The following LARP4 variants were observed in gnomAD, a reference collection of about 807,000 sequenced individuals.
The protein encoded by LARP4 is La ribonucleoprotein 4, also known as la-related protein 4.
LARP4 carries 29 observed loss-of-function variants against 92.9 expected under a neutral mutation model. That is an observed-to-expected ratio of 0.31 (90% CI 0.23 to 0.43). LARP4 has a LOEUF of 0.43. Among genes scored for constraint, LARP4 ranks in the 20% least tolerant of loss-of-function variants. LARP4 has a pLI of 1.00. For missense variants in LARP4, 732 were observed against 860.0 expected (o/e 0.85, Z 1.86); for synonymous variants, 279 against 284.1 (o/e 0.98, Z 0.18).
intron 12 of LARP4, 113 bp from the exon 13 acceptor site, chr12:50,466,846 A>T (rs1235475217): frequency 1.1e-6 from 1 of 923,352 alleles, no homozygotes; most frequent in East Asian, 2.5e-5. Context: ...AGTTCTGTGC[A>T]TTATAGAGGT....
intron 8 of LARP4, among the ~76,000 whole-genome samples, chr12:50,450,222 G>A (rs1322224287): frequency 6.6e-6 from 1 of 152,056 alleles, no homozygotes; most frequent in Non-Finnish European, 1.5e-5. Context: ...GAGCCACCCT[G>A]CCTGGCCAGC....
rs1236024936 is a variant in LARP4 at position 50,466,959 on chromosome 12, A to G, written c.1384A>G (p.Arg462Gly). ...CTGTTTTATTATTTGTTCATTTTAGAGACCTCATCCTTCAACAGCTGAATC... is the reference window on the plus strand; with the variant it reads ...CTGTTTTATTATTTGTTCATTTTAGGGACCTCATCCTTCAACAGCTGAATC... ...RRRREDDRIS[R>G]PHPSTAESKA... is the part of the protein sequence containing the mutation. The change falls in exon 13 of 16, where the codon AGA becomes GGA. Residue 462 changes from arginine (R) to glycine (G), a missense_variant and splice_region_variant. Coordinates refer to ENST00000398473, the MANE Select transcript of LARP4 (RefSeq NM_052879.5). 6.2e-7 allele frequency: 1 copy of G among 1,605,070 alleles called. No individual in the cohort carries two copies. The highest frequency in any genetic ancestry group is 1.7e-5 in the Admixed American group (1 of 59,860).
intron 1 of LARP4, among the ~76,000 whole-genome samples, chr12:50,401,653 T>TAA (rs772467175): frequency 1.3e-5 from 2 of 152,174 alleles, no homozygotes; most frequent in Admixed American, 6.5e-5. Context: ...TGACCTTTTG[T>TAA]AAAAGTTACT....
intron 12 of LARP4, among the ~76,000 whole-genome samples, chr12:50,464,574 G>A (rs528245069): frequency 1.1e-4 from 16 of 151,956 alleles, no homozygotes; most frequent in African/African-American, 3.9e-4. Context: ...TGTATTTTTA[G>A]TAGAGACGGA....
rs1949479966 is a variant in LARP4, at chr12:50,430,475, CTCT to C, written c.323-15_323-13del. On this transcript the variant is annotated splice_polypyrimidine_tract_variant and intron_variant, in intron 3 of 15. Coordinates refer to ENST00000398473, the MANE Select transcript of LARP4 (RefSeq NM_052879.5). ...CTAACATGCTATTAACTTTTTTTCC[CTCT>C]TCTTTTCTACCATCAGGAGAAAGCA... 3 of 1,485,836 alleles carry C rather than the reference CTCT, an allele frequency of 2.0e-6. No homozygotes were observed. Among genetic ancestry groups the C allele is most frequent in the South Asian group, 1.2e-5 (1 of 84,166 alleles). 92.0% of individuals were successfully genotyped at this position (1,485,836 alleles called of 1,614,324 possible).
At chr12:50,465,438 G>A (rs1234029001) in intron 12 of LARP4, among the ~76,000 whole-genome samples, 1 of 152,044 alleles carries the variant, frequency 6.6e-6, no homozygotes, top group Non-Finnish European at 1.5e-5. Context: ...TGTCATGATG[G>A]AGGACTAAAC....
At chr12:50,436,690 G>A (rs937130845) in intron 5 of LARP4, among the ~76,000 whole-genome samples, 1 of 152,118 alleles carries the variant, frequency 6.6e-6, no homozygotes, top group Admixed American at 6.6e-5. Context: ...GTATTTCTTG[G>A]TAACCTCTTA....
intron 8 of LARP4, 54 bp from the exon 9 acceptor site, chr12:50,453,406 A>G (rs879029072): frequency 1.9e-6 from 2 of 1,044,308 alleles, no homozygotes; most frequent in South Asian, 1.4e-5. Context: ...AATTAAATGT[A>G]TTTTTTAAAA....
intron 1 of LARP4, among the ~76,000 whole-genome samples, chr12:50,406,868 G>A (rs919898146): frequency 6.0e-5 from 9 of 150,750 alleles, no homozygotes; most frequent in East Asian, 2.0e-4. Flanking sequence ...ACAGACGTAC[G>A]CCACCATGCT....
intron 10 of LARP4, among the ~76,000 whole-genome samples, chr12:50,459,804 CAG>C (rs1955004209): frequency 8.1e-6 from 1 of 123,414 alleles, no homozygotes; most frequent in Non-Finnish European, 1.6e-5. Flanking sequence ...AGCCTGGCGA[CAG>C]AGCAAGACTC....
chr12:50,471,756 C>G lies in LARP4; in HGVS notation c.1546-1659C>G, dbSNP rs578225725. Among the ~76,000 whole-genome samples the G allele has an allele frequency of 2.6e-5, 4 of 152,308 alleles. No homozygotes were observed. In the East Asian group the frequency reaches 7.7e-4, roughly 29 times the overall value. On this transcript the variant is annotated intron_variant, in intron 13 of 15. Coordinates refer to ENST00000398473, the MANE Select transcript of LARP4 (RefSeq NM_052879.5). ...GGCTGGTCTCTCAAACTCCTGACCT[C>G]AGATGATCCACCCACCTCGGCCTCC...
intron 1 of LARP4, chr12:50,415,687 C>CTTTTTTTTTTTT (rs201269288): frequency 7.4e-6 from 1 of 134,856 alleles, no homozygotes; most frequent in African/African-American, 2.5e-5. Context: ...TTCCCAGCTT[C>CTTTTTTTTTTTT]TTTTTTTTGT....
chr12:50,416,007 T>A (rs940407907), intron 1 of LARP4, among the ~76,000 whole-genome samples: 13 of 151,210 alleles, frequency 8.6e-5, no homozygotes, highest in Non-Finnish European at 1.6e-4. Context: ...GCCCCCACCC[T>A]CCATGTTTTC....
In LARP4 at chr12:50,479,104, G is replaced by A. The variant is rs974265147; in HGVS notation, c.*3240G>A. The stretch of plus-strand genomic sequence containing the variant: ...AGAACAAAAAGAATGTTGCTGGAAC[G>A]TAAAATAGTATTTAAAAGTTAATGA... On this transcript the variant is annotated 3_prime_UTR_variant, in exon 16 of 16. Transcript: ENST00000398473. 6 of 152,546 alleles carry A rather than the reference G, an allele frequency of 3.9e-5. No individual in the cohort carries two copies. Among genetic ancestry groups the A allele is most frequent in the Admixed American group, 2.6e-4 (4 of 15,270 alleles). The allele number at this position is 152,546 out of a possible 1,614,324, so 9.4% of individuals were successfully genotyped here.
At chr12:50,449,819 T>A (rs1224672942) in intron 8 of LARP4, among the ~76,000 whole-genome samples, 1 of 152,096 alleles carries the variant, frequency 6.6e-6, no homozygotes, top group Non-Finnish European at 1.5e-5. Flanking sequence ...TTTTTATCTG[T>A]TTTCGGTTTT....
intron 1 of LARP4, chr12:50,402,548 A>G (rs2136176381): frequency 8.0e-6 from 2 of 249,796 alleles, no homozygotes; most frequent in South Asian, 7.9e-5. Context: ...GGAACTCCAC[A>G]ATATACTTTT....
intron 8 of LARP4, among the ~76,000 whole-genome samples, chr12:50,449,328 T>TA (rs1226481585): frequency 6.6e-6 from 1 of 152,226 alleles, no homozygotes. Context: ...ATGGGTAAGA[T>TA]AATCATTATC....
rs200684525 is a variant in LARP4, at chr12:50,478,314, TGAGA to T, written c.*2454_*2457del. The T allele has an allele frequency of 4.0e-5, 6 of 151,676 alleles. No individual in the cohort carries two copies. Among genetic ancestry groups the T allele is most frequent in the Non-Finnish European group, 7.4e-5 (5 of 67,808 alleles). 9.4% of individuals were successfully genotyped at this position (151,676 alleles called of 1,614,324 possible). A position where few individuals can be genotyped will look rare whatever the true frequency, so the allele number is the denominator to read the frequency against. ...ATTTGATGGCATGTATAGGGAAGAG[TGAGA>T]GAGTGTGTGTGTGTGTATGTGTGTG... On this transcript the variant is annotated 3_prime_UTR_variant, in exon 16 of 16. Transcript: ENST00000398473.
chr12:50,463,773 T>C (rs1159522449), intron 12 of LARP4, among the ~76,000 whole-genome samples: 2 of 152,158 alleles, frequency 1.3e-5, no homozygotes, highest in Non-Finnish European at 2.9e-5. Flanking sequence ...TTCTGGAGTC[T>C]GGAGGACGGT....
Sources: gnomAD v4.1 joint callset for allele counts (sites outside exome capture counted in the v4.1 genomes callset) on GRCh38, gnomAD v4.1.1 for gene constraint, MANE v1.5 for transcripts, NCBI Gene and HGNC (gene_info 2026-07-23, HGNC 2026-07-21) for gene names.